The following CDH18 variants were observed in gnomAD, a reference collection of about 807,000 sequenced individuals.
CDH18 encodes cadherin-18.
In CDH18, 31 loss-of-function variants were observed where a neutral mutation model predicts 67.9. The observed-to-expected ratio is 0.46, with a 90% CI of 0.34 to 0.62. CDH18 has a LOEUF of 0.62. CDH18 is among the 20% of genes least tolerant of loss of function. CDH18 has a pLI of 0.01. For synonymous variants in CDH18, 362 were observed against 347.2 expected, an observed-to-expected ratio of 1.04 and a Z score of -0.48; for missense variants, 890 against 975.5, an observed-to-expected ratio of 0.91 and a Z score of 1.17.
chr5:19,657,195 GC>G (rs920199151), intron 5 of CDH18, among the ~76,000 whole-genome samples: 8 of 151,994 alleles, frequency 5.3e-5, no homozygotes, highest in Non-Finnish European at 4.4e-5. Flanking sequence ...TTTGTTCAAA[GC>G]TTTTGTGTAT....
chr5:19,874,182 G>T (rs1786670944), intron 2 of CDH18, among the ~76,000 whole-genome samples: 1 of 152,182 alleles, frequency 6.6e-6, no homozygotes. Flanking sequence ...GAAATGTGAA[G>T]ATCTGGTGAA....
At chr5:19,822,715 A>T (rs903077397) in intron 3 of CDH18, among the ~76,000 whole-genome samples, 1 of 152,208 alleles carries the variant, frequency 6.6e-6, no homozygotes, top group Non-Finnish European at 1.5e-5. Context: ...AGGCAGGGCG[A>T]GATCACAGGA....
intron 1 of CDH18, among the ~76,000 whole-genome samples, chr5:20,282,372 T>C (rs1746349869): frequency 6.6e-6 from 1 of 152,188 alleles, no homozygotes; most frequent in South Asian, 2.1e-4. Context: ...GCTCTTATTA[T>C]TTTGAGATAC....
chr5:19,619,943 G>C (rs1435583278), intron 5 of CDH18, among the ~76,000 whole-genome samples: 1 of 151,914 alleles, frequency 6.6e-6, no homozygotes, highest in African/African-American at 2.4e-5. Context: ...TAAAACACAA[G>C]CTACTTAGCT....
intron 2 of CDH18, among the ~76,000 whole-genome samples, chr5:19,863,266 A>C (rs10062949): frequency 0.49 from 74,852 of 151,808 alleles, 18,558 homozygotes; most frequent in Middle Eastern, 0.64. Context: ...TCTAGAATCC[A>C]TTAACCCTGG....
intron 2 of CDH18, among the ~76,000 whole-genome samples, chr5:20,012,796 C>T (rs547458523): frequency 1.4e-4 from 22 of 151,936 alleles, no homozygotes; most frequent in African/African-American, 5.1e-4. Flanking sequence ...AGCAAACTAA[C>T]ATAGGAACAG....
At chr5:19,811,214 G>GGAAA (rs1778708994) in intron 3 of CDH18, among the ~76,000 whole-genome samples, 1 of 124,892 alleles carries the variant, frequency 8.0e-6, no homozygotes, top group Non-Finnish European at 1.8e-5. Flanking sequence ...AAGGAAGGAA[G>GGAAA]GAAAGAAAAG....
At chr5:19,885,330 C>T (rs772175244) in intron 2 of CDH18, among the ~76,000 whole-genome samples, 1 of 152,140 alleles carries the variant, frequency 6.6e-6, no homozygotes, top group Non-Finnish European at 1.5e-5. Context: ...ATTTTAAATG[C>T]TGTCAAGAGT....
chr5:19,683,303 C>A (rs1760598934), intron 5 of CDH18, among the ~76,000 whole-genome samples: 1 of 152,056 alleles, frequency 6.6e-6, no homozygotes, highest in East Asian at 1.9e-4. Context: ...ATAGTTTTTG[C>A]CATATTCTAT....
intron 1 of CDH18, among the ~76,000 whole-genome samples, chr5:20,572,423 T>C: frequency 6.6e-6 from 1 of 151,956 alleles, no homozygotes; most frequent in Non-Finnish European, 1.5e-5. Context: ...TAATATATTA[T>C]CTTTACATTT....
intron 1 of CDH18, chr5:20,304,513 G>C: frequency 6.2e-7 from 1 of 1,604,110 alleles, no homozygotes; most frequent in Non-Finnish European, 8.5e-7. Context: ...ATGGTGAAGA[G>C]ACTGGTTTAC....
intron 3 of CDH18, among the ~76,000 whole-genome samples, chr5:19,771,480 C>T (rs1013882810): frequency 2.4e-4 from 37 of 152,128 alleles, no homozygotes; most frequent in African/African-American, 8.4e-4. Context: ...CCCAGAGACA[C>T]ACAGGTATCT....
chr5:20,450,696 G>T (rs896602198), intron 1 of CDH18, among the ~76,000 whole-genome samples: 1 of 152,098 alleles, frequency 6.6e-6, no homozygotes, highest in Admixed American at 6.5e-5. Flanking sequence ...ACACTAGTCA[G>T]TTTTTTGTCA....
intron 1 of CDH18, among the ~76,000 whole-genome samples, chr5:20,298,221 T>C (rs1396249663): frequency 6.6e-6 from 1 of 152,182 alleles, no homozygotes; most frequent in Non-Finnish European, 1.5e-5. Flanking sequence ...GTAAATTGCA[T>C]ATAAAAAGCA....
intron 2 of CDH18, among the ~76,000 whole-genome samples, chr5:19,905,957 C>T (rs933614578): frequency 1.3e-5 from 2 of 151,966 alleles, no homozygotes; most frequent in African/African-American, 4.8e-5. Flanking sequence ...TCTTTTCTTT[C>T]TAGATATCCT....
rs79855427 is a variant in CDH18 at position 20,240,404 on chromosome 5, T to G, written c.-518+15040A>C. ...ATAGGCTGAAAACTGTGTGCATAAA[T>G]TTATTTTCTAAATTTTATAAATTTG... On this transcript the variant is annotated intron_variant, in intron 2 of 14. Coordinates refer to the CDH18 transcript ENST00000507958. Among the ~76,000 whole-genome samples the G allele has an allele frequency of 1.5e-4, 23 of 152,248 alleles. No individual in the cohort carries two copies. In the East Asian group the frequency reaches 4.4e-3, roughly 29 times the overall value.
intron 2 of CDH18, among the ~76,000 whole-genome samples, chr5:20,037,367 T>C (rs1473008754): frequency 6.6e-6 from 1 of 152,040 alleles, no homozygotes; most frequent in African/African-American, 2.4e-5. Context: ...CTAATAGACA[T>C]CTACAGAACT....
chr5:19,683,954 A>T (rs1231854631), intron 5 of CDH18, among the ~76,000 whole-genome samples: 1 of 152,172 alleles, frequency 6.6e-6, no homozygotes, highest in Admixed American at 6.6e-5. Flanking sequence ...TCTCTAGAGA[A>T]CTAGGAACTG....
chr5:19,698,463 A>G (rs1185245654), intron 5 of CDH18, among the ~76,000 whole-genome samples: 1 of 152,074 alleles, frequency 6.6e-6, no homozygotes, highest in Non-Finnish European at 1.5e-5. Flanking sequence ...CTATATCAAA[A>G]GCTAATTTGG....
Sources: gnomAD v4.1 joint callset for allele counts (sites outside exome capture counted in the v4.1 genomes callset) on GRCh38, gnomAD v4.1.1 for gene constraint, MANE v1.5 for transcripts, NCBI Gene and HGNC (gene_info 2026-07-23, HGNC 2026-07-21) for gene names.